Variants in BMPR1B observed in about 807,000 individuals in gnomAD.
BMPR1B encodes the protein bone morphogenetic protein receptor type-1B.
BMPR1B carries 12 observed loss-of-function variants against 59.1 expected under a neutral mutation model. The observed-to-expected ratio is 0.20, with a 90% CI of 0.13 to 0.33. The LOEUF (loss-of-function observed/expected upper bound fraction) is 0.33. Among genes scored for constraint, BMPR1B ranks in the 10% least tolerant of loss-of-function variants. The pLI, the probability that BMPR1B is intolerant of heterozygous loss-of-function variation, is 1.00. For missense variants in BMPR1B, 550 were observed against 610.9 expected (o/e 0.90, Z 1.05); for synonymous variants, 237 against 207.3 (o/e 1.14, Z -1.23).
chr4:95,051,348 A>G (rs1578994260), intron 3 of BMPR1B, among the ~76,000 whole-genome samples: 1 of 152,216 alleles, frequency 6.6e-6, no homozygotes, highest in East Asian at 1.9e-4. Context: ...GATTCCCTTC[A>G]TAGCTGCCCG....
chr4:94,768,682 A>T (rs1452233891), intron 1 of BMPR1B, among the ~76,000 whole-genome samples: 3 of 152,060 alleles, frequency 2.0e-5, no homozygotes, highest in Non-Finnish European at 4.4e-5. Context: ...GAGTAAGTGG[A>T]ATGATGATTT....
At chr4:95,107,645 ACTAT>A (rs1379289983) in intron 4 of BMPR1B, among the ~76,000 whole-genome samples, 1 of 152,054 alleles carries the variant, frequency 6.6e-6, no homozygotes, top group Non-Finnish European at 1.5e-5. Context: ...AGAATGTAGC[ACTAT>A]CTATGTTTGC....
At chr4:94,848,736 C>T (rs1725445571) in intron 1 of BMPR1B, among the ~76,000 whole-genome samples, 1 of 152,116 alleles carries the variant, frequency 6.6e-6, no homozygotes, top group South Asian at 2.1e-4. Flanking sequence ...GAGAGACCTG[C>T]TAGAGGCTAC....
intron 6 of BMPR1B, among the ~76,000 whole-genome samples, chr4:95,119,537 A>G (rs1732320309): frequency 6.6e-6 from 1 of 152,210 alleles, no homozygotes; most frequent in Non-Finnish European, 1.5e-5. Context: ...CAAATTATAT[A>G]TAATTCCTGT....
intron 3 of BMPR1B, among the ~76,000 whole-genome samples, chr4:95,076,139 A>G (rs72874700): frequency 6.6e-6 from 1 of 152,020 alleles, no homozygotes; most frequent in Admixed American, 6.6e-5. Context: ...TTGACTTACA[A>G]CCCTCATTTC....
chr4:94,763,347 G>C (rs941996748), intron 1 of BMPR1B, among the ~76,000 whole-genome samples: 12 of 152,090 alleles, frequency 7.9e-5, no homozygotes, highest in African/African-American at 2.9e-4. Flanking sequence ...TTGTACTCCC[G>C]CCCCTTGCAA....
intron 3 of BMPR1B, among the ~76,000 whole-genome samples, chr4:95,044,070 A>C (rs963743805): frequency 6.6e-6 from 1 of 152,226 alleles, no homozygotes; most frequent in East Asian, 1.9e-4. Context: ...ACTTAATAAA[A>C]TGTCTTCAGG....
chr4:95,004,481 A>C (rs1433128582), intron 3 of BMPR1B, among the ~76,000 whole-genome samples: 4 of 152,132 alleles, frequency 2.6e-5, no homozygotes, highest in Non-Finnish European at 5.9e-5. Flanking sequence ...AGTCTTAAAT[A>C]GTTTATTTAT....
At chr4:95,028,924 A>G (rs960952248) in intron 3 of BMPR1B, among the ~76,000 whole-genome samples, 11 of 152,046 alleles carry the variant, frequency 7.2e-5, no homozygotes, top group African/African-American at 2.7e-4. Flanking sequence ...AGAAATTTAA[A>G]AGTAAAATGG....
intron 1 of BMPR1B, among the ~76,000 whole-genome samples, chr4:94,821,310 G>A (rs1432626969): frequency 6.6e-6 from 1 of 152,016 alleles, no homozygotes; most frequent in Admixed American, 6.6e-5. Flanking sequence ...AGCACTTAAG[G>A]GGTAAGTTTT....
At chr4:95,003,756 C>G (rs2120832) in intron 3 of BMPR1B, among the ~76,000 whole-genome samples, 142,984 of 149,576 alleles carry the variant, frequency 0.96, 68,373 homozygotes, top group Middle Eastern at 0.99. Context: ...CATAGCTAAT[C>G]AGTGATAAGG....
At chr4:94,766,131 G>A (rs897286552) in intron 1 of BMPR1B, among the ~76,000 whole-genome samples, 2 of 152,132 alleles carry the variant, frequency 1.3e-5, no homozygotes, top group Admixed American at 6.6e-5. Flanking sequence ...AATTTCTGAT[G>A]TTTTTAAATT....
In BMPR1B at chr4:95,152,685, C is replaced by A; in HGVS notation, c.1295C>A (p.Pro432His). 6.3e-7 allele frequency: 1 copy of A among 1,588,110 alleles called. No individual in the cohort carries two copies. The highest frequency in any genetic ancestry group is 1.2e-5 in the South Asian group (1 of 86,886). The change falls in exon 12 of 13, where the codon CCC (proline) becomes CAC (histidine). Residue 432 changes from proline to histidine, a missense_variant. Pro to His is a moderately conservative substitution (Grantham distance 77). Coordinates refer to ENST00000515059, the MANE Select transcript of BMPR1B (RefSeq NM_001203.3). Reference sequence around the variant, plus strand: ...CAGCTTCCTTATCATGACCTAGTGCCCAGTGACCCCTCTTATGAGGACATG... The same window carrying A: ...CAGCTTCCTTATCATGACCTAGTGCACAGTGACCCCTCTTATGAGGACATG... ...EYQLPYHDLVPSDPSYEDMRE... is the reference protein window; with the variant it reads ...EYQLPYHDLVHSDPSYEDMRE...
chr4:95,112,141 C>G (rs1731673532), intron 4 of BMPR1B, among the ~76,000 whole-genome samples: 1 of 152,108 alleles, frequency 6.6e-6, no homozygotes, highest in South Asian at 2.1e-4. Context: ...ATCATTACTA[C>G]AGTTCCCTGA....
chr4:95,065,991 T>TA (rs1287484196), intron 3 of BMPR1B, among the ~76,000 whole-genome samples: 25 of 152,316 alleles, frequency 1.6e-4, no homozygotes, highest in African/African-American at 5.5e-4. Context: ...CTTAGCGCAG[T>TA]AGCCCACCTG....
At chr4:95,090,868 A>T (rs1037688614) in intron 3 of BMPR1B, among the ~76,000 whole-genome samples, 3 of 152,072 alleles carry the variant, frequency 2.0e-5, no homozygotes, top group Non-Finnish European at 4.4e-5. Context: ...AAGTCAAATG[A>T]TATGGTAGAT....
chr4:95,095,250 G>A (rs1443703517), intron 3 of BMPR1B, among the ~76,000 whole-genome samples: 2 of 151,806 alleles, frequency 1.3e-5, no homozygotes, highest in East Asian at 1.9e-4. Context: ...ATGTCACAAA[G>A]TTATTTTAAA....
rs79652298 is a variant in BMPR1B at position 94,881,489 on chromosome 4, T to G, written c.-113+5589T>G. ...TAATATTTCAACTTTTTTTTTTTTT[T>G]GCAATCCACTCTGTCACCCAGGCTG... On this transcript the variant is annotated intron_variant, in intron 2 of 12. Transcript: ENST00000515059. Among the ~76,000 whole-genome samples the G allele has an allele frequency of 3.8e-3, 582 of 151,918 alleles. 1 individual carries two copies. Among genetic ancestry groups the G allele is most frequent in the African/African-American group, 8.5e-3 (352 of 41,446 alleles).
intron 1 of BMPR1B, among the ~76,000 whole-genome samples, chr4:94,812,033 A>G (rs1466358927): frequency 6.6e-6 from 1 of 152,204 alleles, no homozygotes; most frequent in East Asian, 1.9e-4. Context: ...TGATAGAAAC[A>G]ATATCTAGAG....
Sources: allele counts gnomAD v4.1 joint callset (sites outside exome capture counted in the v4.1 genomes callset), GRCh38; gene constraint gnomAD v4.1.1; transcripts MANE v1.5; gene names NCBI Gene and HGNC (gene_info 2026-07-23, HGNC 2026-07-21).